EPHB1: variants seen among roughly 807,000 people sequenced by gnomAD.
EPHB1 encodes EPH receptor B1, also known as ephrin type-B receptor 1.
Under a neutral mutation model 94.4 loss-of-function variants are expected in EPHB1, and 30 were observed. The observed-to-expected ratio is 0.32, with a 90% CI of 0.24 to 0.43. The LOEUF (loss-of-function observed/expected upper bound fraction) is 0.43, where lower values mean the gene tolerates loss of function less well. EPHB1 is among the 20% of genes least tolerant of loss of function. The probability of loss-of-function intolerance (pLI) is 1.00; values close to 1 mark genes in which losing one functional copy is unlikely to be tolerated. For synonymous variants in EPHB1, 522 were observed against 489.1 expected, an observed-to-expected ratio of 1.07 and a Z score of -0.89; for missense variants, 1,055 against 1,308.3, an observed-to-expected ratio of 0.81 and a Z score of 2.99.
intron 3 of EPHB1, among the ~76,000 whole-genome samples, chr3:135,030,894 C>G (rs887509794): frequency 8.5e-5 from 13 of 152,310 alleles, no homozygotes; most frequent in African/African-American, 2.4e-4. Context: ...GAGTAGGACC[C>G]TCGGAGCCAG....
At chr3:134,872,697 A>C (rs1213723390) in intron 1 of EPHB1, among the ~76,000 whole-genome samples, 3 of 152,166 alleles carry the variant, frequency 2.0e-5, no homozygotes, top group Non-Finnish European at 4.4e-5. Context: ...AGCTCCTTCA[A>C]TGTCTTTCCA....
chr3:135,162,115 G>A lies in EPHB1; in HGVS notation c.1520G>A (p.Arg507His), dbSNP rs770406411. The change falls in exon 7 of 16, where the codon CGT becomes CAT. Residue 507 changes from arginine to histidine, a missense_variant. Coordinates refer to ENST00000398015, the MANE Select transcript of EPHB1 (RefSeq NM_004441.5). ...RPGMVYVVQVRARTVAGYGKF... is the reference protein window; with the variant it reads ...RPGMVYVVQVHARTVAGYGKF... ...GGCATGGTATATGTGGTACAGGTGC[G>A]TGCCCGCACTGTTGCTGGCTACGGC... 1.9e-6 allele frequency: 3 copies of A among 1,612,482 alleles called. No homozygotes were observed. The highest frequency in any genetic ancestry group is 1.3e-5 in the African/African-American group (1 of 74,876).
rs955203507 is a variant in EPHB1 at position 135,094,258 on chromosome 3, T to C, written c.806-12190T>C. On this transcript the variant is annotated intron_variant, in intron 3 of 15. Coordinates refer to ENST00000398015, the MANE Select transcript of EPHB1 (RefSeq NM_004441.5). The stretch of plus-strand genomic sequence containing the variant: ...GTCCCACTCCCCTCCATGCTGATCA[T>C]TTCAAGGTTGTAAGAGCCTTGGAGA... Among the ~76,000 whole-genome samples, 7 of 152,208 alleles carry C rather than the reference T, an allele frequency of 4.6e-5. No homozygotes were observed. In the South Asian group the frequency reaches 1.4e-3, roughly 32 times the overall value.
At chr3:134,870,742 C>T (rs2037482440) in intron 1 of EPHB1, among the ~76,000 whole-genome samples, 1 of 152,248 alleles carries the variant, frequency 6.6e-6, no homozygotes, top group African/African-American at 2.4e-5. Flanking sequence ...ATACCTACTG[C>T]ACATAGTGTT....
At chr3:134,872,953 A>C (rs1201087748) in intron 1 of EPHB1, among the ~76,000 whole-genome samples, 1 of 152,220 alleles carries the variant, frequency 6.6e-6, no homozygotes, top group Non-Finnish European at 1.5e-5. Context: ...GATACTGTAG[A>C]CAGGGACGGG....
intron 3 of EPHB1, among the ~76,000 whole-genome samples, chr3:135,061,957 A>G (rs1042899962): frequency 5.3e-5 from 8 of 152,190 alleles, no homozygotes; most frequent in Non-Finnish European, 1.0e-4. Context: ...ATAGTATTCC[A>G]TGGTGTGTAT....
At chr3:134,936,267 A>G (rs983356770) in intron 2 of EPHB1, among the ~76,000 whole-genome samples, 1 of 152,086 alleles carries the variant, frequency 6.6e-6, no homozygotes, top group Non-Finnish European at 1.5e-5. Context: ...AGCAAGCTGT[A>G]TGGGGGAGGT....
At chr3:135,147,360 G>A (rs1032608454) in intron 5 of EPHB1, among the ~76,000 whole-genome samples, 2 of 152,180 alleles carry the variant, frequency 1.3e-5, no homozygotes, top group African/African-American at 4.8e-5. Context: ...CAAGAGAAAT[G>A]CAAACATATG....
intron 1 of EPHB1, among the ~76,000 whole-genome samples, chr3:134,796,734 A>G (rs1295522866): frequency 6.6e-6 from 1 of 152,252 alleles, no homozygotes; most frequent in Non-Finnish European, 1.5e-5. Context: ...GTCGGGAGAA[A>G]ACCAACTCTA....
At chr3:135,013,874 A>C (rs1271345392) in intron 3 of EPHB1, among the ~76,000 whole-genome samples, 2 of 152,172 alleles carry the variant, frequency 1.3e-5, no homozygotes, top group African/African-American at 4.8e-5. Context: ...GGTACTTTAA[A>C]AAAGTCTGAT....
intron 1 of EPHB1, among the ~76,000 whole-genome samples, chr3:134,826,860 G>C (rs59148730): frequency 0.13 from 19,638 of 152,204 alleles, 1,361 homozygotes; most frequent in South Asian, 0.31. Context: ...CTGGTGAGCA[G>C]GGCACACAGT....
At chr3:135,035,564 TG>T (rs1182218458) in intron 3 of EPHB1, among the ~76,000 whole-genome samples, 1 of 152,220 alleles carries the variant, frequency 6.6e-6, no homozygotes, top group African/African-American at 2.4e-5. Context: ...AGGAGGAGGC[TG>T]AAATCTAGCG....
At chr3:134,873,591 A>C (rs1461352156) in intron 1 of EPHB1, among the ~76,000 whole-genome samples, 1 of 152,200 alleles carries the variant, frequency 6.6e-6, no homozygotes, top group Non-Finnish European at 1.5e-5. Context: ...GCTGTCTGTC[A>C]TGCACCGAGT....
At chr3:135,251,023 T>C (rs1027366194) in intron 15 of EPHB1, among the ~76,000 whole-genome samples, 8 of 150,964 alleles carry the variant, frequency 5.3e-5, no homozygotes, top group African/African-American at 1.9e-4. Context: ...CCAATATTCC[T>C]GGAGTCCAGC....
intron 9 of EPHB1, among the ~76,000 whole-genome samples, chr3:135,174,978 C>T (rs576702762): frequency 3.4e-4 from 52 of 152,000 alleles, no homozygotes; most frequent in Non-Finnish European, 6.3e-4. Context: ...GTACTGGCAC[C>T]CCTGGAGCCA....
chr3:135,132,677 T>C (rs1469440928), intron 4 of EPHB1, 37 bp from the exon 5 acceptor site: 1 of 1,527,066 alleles, frequency 6.5e-7, no homozygotes, highest in Admixed American at 1.9e-5. Flanking sequence ...AGGAAGCTTA[T>C]GTCTAGCCTC....
intron 4 of EPHB1, among the ~76,000 whole-genome samples, chr3:135,123,050 C>T (rs932730244): frequency 1.3e-5 from 2 of 152,134 alleles, no homozygotes; most frequent in African/African-American, 4.8e-5. Flanking sequence ...TGAAATCTTT[C>T]CCCAGCCCCC....
intron 1 of EPHB1, among the ~76,000 whole-genome samples, chr3:134,888,600 G>A (rs749329640): frequency 2.6e-5 from 4 of 151,872 alleles, no homozygotes; most frequent in Non-Finnish European, 5.9e-5. Flanking sequence ...CCCAGCTACT[G>A]GGGAGGCTGA....
At chr3:134,845,844 C>G (rs2036862437) in intron 1 of EPHB1, among the ~76,000 whole-genome samples, 1 of 152,200 alleles carries the variant, frequency 6.6e-6, no homozygotes, top group African/African-American at 2.4e-5. Context: ...ACAAGCTCTC[C>G]TTCCATTTTT....
Sources: allele counts gnomAD v4.1 joint callset (sites outside exome capture counted in the v4.1 genomes callset), GRCh38; gene constraint gnomAD v4.1.1; transcripts MANE v1.5; gene names NCBI Gene and HGNC (gene_info 2026-07-23, HGNC 2026-07-21).